PHGDH: variants seen among roughly 807,000 people sequenced by gnomAD.
PHGDH encodes the protein phosphoglycerate dehydrogenase.
A neutral mutation model predicts 52.6 loss-of-function variants in PHGDH; 50 were observed. The ratio of observed to expected loss-of-function variants is 0.95; its 90% CI spans 0.76 to 1.20. The LOEUF (loss-of-function observed/expected upper bound fraction) is 1.20, where lower values mean the gene tolerates loss of function less well. Ranked by LOEUF, PHGDH falls within the 50% of genes most tolerant of loss-of-function variation. The pLI, the probability that PHGDH is intolerant of heterozygous loss-of-function variation, is 0.00. For missense variants in PHGDH, 630 were observed against 684.6 expected (o/e 0.92, Z 0.89); for synonymous variants, 271 against 280.5 (o/e 0.97, Z 0.34).
intron 5 of PHGDH, among the ~76,000 whole-genome samples, chr1:119,729,105 G>C (rs1184930538): frequency 1.3e-5 from 2 of 152,098 alleles, no homozygotes; most frequent in Non-Finnish European, 2.9e-5. Context: ...ATTTAAGTCA[G>C]CCAGATATCT....
In PHGDH at chr1:119,742,960, C is replaced by T. The variant is rs773372658; in HGVS notation, c.1363C>T (p.Pro455Ser). The T allele has an allele frequency of 8.7e-6, 14 of 1,613,996 alleles. No individual in the cohort carries two copies. In the African/African-American group the frequency reaches 1.7e-4, roughly 20 times the overall value. The change falls in exon 11 of 12, where the codon CCA becomes TCA. Residue 455 changes from proline to serine, a missense_variant. Transcript: ENST00000641023. ...LQGLNGAVFR[P>S]EVPLRRDLPL... Reference sequence around the variant, plus strand: ...GGGGCTCAATGGAGCTGTCTTCAGGCCAGAAGTGCCTCTCCGCAGGGACCT... The same window carrying T: ...GGGGCTCAATGGAGCTGTCTTCAGGTCAGAAGTGCCTCTCCGCAGGGACCT...
chr1:119,717,159 G>A (rs1217676723), intron 1 of PHGDH, among the ~76,000 whole-genome samples: 1 of 148,316 alleles, frequency 6.7e-6, no homozygotes, highest in Non-Finnish European at 1.5e-5. Context: ...TTGAACCCGG[G>A]AGGCGGAGGT....
intron 7 of PHGDH, among the ~76,000 whole-genome samples, chr1:119,736,157 TCTGAGCCC>T (rs886516885): frequency 6.6e-6 from 1 of 152,240 alleles, no homozygotes; most frequent in African/African-American, 2.4e-5. Flanking sequence ...ACTGGCCCTC[TCTGAGCCC>T]CTGTAGCACT....
intron 2 of PHGDH, among the ~76,000 whole-genome samples, chr1:119,722,420 G>A (rs1557968712): frequency 2.6e-5 from 4 of 152,252 alleles, no homozygotes; most frequent in East Asian, 1.9e-4. Flanking sequence ...AACCTAAAAA[G>A]CATTTAAGAA....
At chr1:119,712,433 C>T in intron 1 of PHGDH, 1 of 436,908 alleles carries the variant, frequency 2.3e-6, no homozygotes, top group South Asian at 2.1e-5. Flanking sequence ...GCTGCTCCAA[C>T]TGGTCCTGCA....
intron 1 of PHGDH, chr1:119,720,224 C>T (rs996525786): frequency 2.0e-5 from 3 of 152,118 alleles, no homozygotes; most frequent in South Asian, 2.1e-4. Context: ...ACTTAGCTCA[C>T]GTATAGTGGC....
At chr1:119,737,323 G>C in intron 8 of PHGDH, 57 bp downstream of exon 8, 14 of 1,485,414 alleles carry the variant, frequency 9.4e-6, no homozygotes, top group African/African-American at 1.4e-5. Context: ...GAGGAAGGAA[G>C]GCATCTTGTA....
At chr1:119,726,409 A>G (rs587707723) in intron 3 of PHGDH, among the ~76,000 whole-genome samples, 3 of 152,284 alleles carry the variant, frequency 2.0e-5, no homozygotes, top group South Asian at 4.1e-4. Flanking sequence ...CCTCTTCATA[A>G]TAGTAGAAGA....
intron 5 of PHGDH, among the ~76,000 whole-genome samples, chr1:119,731,445 A>G (rs1359725898): frequency 6.6e-6 from 1 of 152,204 alleles, no homozygotes; most frequent in African/African-American, 2.4e-5. Context: ...GTTTTCCTTG[A>G]GGGAACAGAC....
At chr1:119,743,109 G>T in intron 11 of PHGDH, 65 bp downstream of exon 11, 1 of 999,436 alleles carries the variant, frequency 1.0e-6, no homozygotes, top group South Asian at 1.3e-5. Flanking sequence ...CCCTGGAATT[G>T]AACTCTACCC....
chr1:119,716,137 T>G (rs771463226), intron 1 of PHGDH, among the ~76,000 whole-genome samples: 13 of 152,058 alleles, frequency 8.5e-5, no homozygotes, highest in Non-Finnish European at 1.8e-4. Context: ...TAGTTGAGGT[T>G]GTAAGAGGCC....
chr1:119,712,659 T>G (rs1650748764), intron 1 of PHGDH: 2 of 166,236 alleles, frequency 1.2e-5, no homozygotes, highest in Admixed American at 6.0e-5. Flanking sequence ...GATTCTAGCC[T>G]GCCTTGGCGG....
At chr1:119,739,792 G>A (rs1258721981) in intron 8 of PHGDH, 1 of 152,996 alleles carries the variant, frequency 6.5e-6, no homozygotes, top group Admixed American at 6.5e-5. Flanking sequence ...CAGCCAGCCA[G>A]GTCCTAGACA....
intron 10 of PHGDH, 97 bp downstream of exon 10, chr1:119,741,994 C>T (rs1373965421): frequency 1.9e-6 from 2 of 1,056,528 alleles, no homozygotes; most frequent in East Asian, 4.9e-5. Flanking sequence ...AGGCCTAGGT[C>T]CCAGCCTTGC....
At chr1:119,733,100 T>A (rs1651772611) in intron 5 of PHGDH, among the ~76,000 whole-genome samples, 2 of 152,142 alleles carry the variant, frequency 1.3e-5, no homozygotes, top group South Asian at 4.1e-4. Context: ...GGAGCAGCAG[T>A]GTCTGAAAAA....
At position 119,744,071 on chromosome 1, in the gene PHGDH, G is replaced by C. The variant is rs587616010; in HGVS notation, c.*31G>C. On this transcript the variant is annotated 3_prime_UTR_variant, in exon 12 of 12. Transcript: ENST00000641023. ...GAGCTCACTGGTCCCTGCCTCTGGG[G>C]CTTTTCTGAAGAAACCCACCCACTG... 3 of 1,610,612 alleles carry C rather than the reference G, an allele frequency of 1.9e-6. No individual in the cohort carries two copies. Among genetic ancestry groups the C allele is most frequent in the African/African-American group, 2.7e-5 (2 of 74,970 alleles).
intron 11 of PHGDH, 73 bp from the exon 12 acceptor site, chr1:119,743,813 T>G: frequency 8.5e-7 from 1 of 1,174,758 alleles, no homozygotes; most frequent in Non-Finnish European, 1.3e-6. Flanking sequence ...TTTGAACTTC[T>G]GATTCTGCTC....
intron 1 of PHGDH, chr1:119,712,420 C>A (rs1274801413): frequency 2.2e-6 from 1 of 456,020 alleles, no homozygotes; most frequent in Non-Finnish European, 4.1e-6. Flanking sequence ...TTGCAAAGTG[C>A]GGGCTGCTCC....
rs773274037 is a variant in PHGDH, at chr1:119,742,847, G to A, written c.1250G>A (p.Gly417Asp). The A allele has an allele frequency of 1.2e-6, 2 of 1,613,764 alleles. No individual in the cohort carries two copies. The highest frequency in any genetic ancestry group is 2.2e-5 in the South Asian group (2 of 91,050). The change falls in exon 11 of 12, where the codon GGC (glycine) becomes GAC (aspartate). Residue 417 changes from glycine to aspartate, a missense_variant. Transcript: ENST00000641023. Reference sequence around the variant, plus strand: ...AGCCCTGCTGCACCAGGGGAGCAAGGCTTCGGGGAATGCCTCCTGGCCGTG... The same window carrying A: ...AGCCCTGCTGCACCAGGGGAGCAAGACTTCGGGGAATGCCTCCTGGCCGTG... The part of the protein sequence containing the change: ...SHSPAAPGEQ[G>D]FGECLLAVAL...
Sources: gnomAD v4.1 joint callset for allele counts (sites outside exome capture counted in the v4.1 genomes callset) on GRCh38, gnomAD v4.1.1 for gene constraint, MANE v1.5 for transcripts, NCBI Gene and HGNC (gene_info 2026-07-23, HGNC 2026-07-21) for gene names.